The following RNGTT variants were observed in gnomAD, a reference collection of about 807,000 sequenced individuals.
RNGTT encodes the protein mRNA-capping enzyme.
RNGTT carries 33 observed loss-of-function variants against 79.3 expected under a neutral mutation model. The ratio of observed to expected loss-of-function variants is 0.42; its 90% CI spans 0.32 to 0.56. RNGTT has a LOEUF of 0.56. RNGTT is among the 20% of genes least tolerant of loss of function. The pLI is 0.17. For synonymous variants in RNGTT, 222 were observed against 235.9 expected, an observed-to-expected ratio of 0.94 and a Z score of 0.54; for missense variants, 497 against 739.1, an observed-to-expected ratio of 0.67 and a Z score of 3.80.
At chr6:88,648,707 T>C (rs1242967137) in intron 14 of RNGTT, among the ~76,000 whole-genome samples, 1 of 152,120 alleles carries the variant, frequency 6.6e-6, no homozygotes. Context: ...CCTACCATTC[T>C]CCTAATTGGT....
chr6:88,796,394 A>G (rs886756678), intron 12 of RNGTT, among the ~76,000 whole-genome samples: 1 of 152,332 alleles, frequency 6.6e-6, no homozygotes, highest in East Asian at 1.9e-4. Context: ...TAATACAGAT[A>G]CAAAGAGCAG....
At chr6:88,660,663 TACA>T (rs1046992020) in intron 14 of RNGTT, among the ~76,000 whole-genome samples, 50 of 152,034 alleles carry the variant, frequency 3.3e-4, no homozygotes, top group African/African-American at 1.1e-3. Flanking sequence ...CCCAAATTTA[TACA>T]ACAATTACTA....
At chr6:88,855,809 A>C (rs1159601210) in intron 8 of RNGTT, among the ~76,000 whole-genome samples, 2 of 152,220 alleles carry the variant, frequency 1.3e-5, no homozygotes, top group African/African-American at 4.8e-5. Context: ...ACCCTCTGGC[A>C]CATGCTTTTC....
intron 10 of RNGTT, among the ~76,000 whole-genome samples, chr6:88,846,663 G>C (rs1420265760): frequency 6.6e-6 from 1 of 152,014 alleles, no homozygotes; most frequent in Non-Finnish European, 1.5e-5. Flanking sequence ...GGAAGGCTGA[G>C]GCATGAGAAT....
intron 1 of RNGTT, among the ~76,000 whole-genome samples, chr6:88,957,435 G>A (rs199635783): frequency 3.3e-5 from 5 of 152,170 alleles, no homozygotes; most frequent in Non-Finnish European, 7.4e-5. Context: ...CACTGTCACT[G>A]TTCACTGATG....
intron 13 of RNGTT, among the ~76,000 whole-genome samples, chr6:88,751,672 T>C (rs950117413): frequency 5.3e-5 from 8 of 152,124 alleles, no homozygotes; most frequent in African/African-American, 1.9e-4. Flanking sequence ...TACATGGTAA[T>C]AATTTAATAT....
chr6:88,625,784 A>G (rs1243559577), intron 14 of RNGTT, among the ~76,000 whole-genome samples: 1 of 151,074 alleles, frequency 6.6e-6, no homozygotes, highest in Non-Finnish European at 1.5e-5. Context: ...CAGGTCAGTT[A>G]AAAAAAAAGT....
intron 12 of RNGTT, among the ~76,000 whole-genome samples, chr6:88,773,677 A>T (rs894080810): frequency 6.6e-6 from 1 of 152,102 alleles, no homozygotes; most frequent in Non-Finnish European, 1.5e-5. Flanking sequence ...TAGCAAATTG[A>T]TTTCTTTTCC....
chr6:88,804,255 A>C (rs1310842971), intron 11 of RNGTT, among the ~76,000 whole-genome samples: 4 of 152,246 alleles, frequency 2.6e-5, no homozygotes, highest in African/African-American at 9.6e-5. Flanking sequence ...AAAAATAAAG[A>C]GATAACTAAA....
chr6:88,662,823 G>C (rs1433716466), intron 14 of RNGTT, among the ~76,000 whole-genome samples: 3 of 152,220 alleles, frequency 2.0e-5, no homozygotes, highest in Non-Finnish European at 4.4e-5. Context: ...ACACCGGGAA[G>C]GAATCGGCGA....
At chr6:88,902,421 A>G (rs1375340475) in intron 6 of RNGTT, among the ~76,000 whole-genome samples, 1 of 152,028 alleles carries the variant, frequency 6.6e-6, no homozygotes, top group Non-Finnish European at 1.5e-5. Flanking sequence ...CCAAAATAGC[A>G]AGACATTGTC....
intron 11 of RNGTT, among the ~76,000 whole-genome samples, chr6:88,843,786 G>A (rs1376584467): frequency 6.6e-6 from 1 of 151,130 alleles, no homozygotes; most frequent in Non-Finnish European, 1.5e-5. Context: ...TTGAGTTCCT[G>A]ACCTTGTGAT....
intron 14 of RNGTT, among the ~76,000 whole-genome samples, chr6:88,644,165 G>A (rs1331493229): frequency 6.6e-6 from 1 of 151,870 alleles, no homozygotes; most frequent in Non-Finnish European, 1.5e-5. Context: ...AATGACAAAG[G>A]GGATATCACC....
intron 13 of RNGTT, among the ~76,000 whole-genome samples, chr6:88,747,973 A>C (rs567148359): frequency 2.6e-5 from 4 of 152,242 alleles, no homozygotes; most frequent in African/African-American, 9.6e-5. Flanking sequence ...ATTCTGGAAA[A>C]CGCAATTTTA....
intron 12 of RNGTT, among the ~76,000 whole-genome samples, chr6:88,785,490 G>GA (rs1562251749): frequency 6.9e-5 from 10 of 144,698 alleles, no homozygotes; most frequent in African/African-American, 2.9e-4. Flanking sequence ...AGATGAACAA[G>GA]GAAAAAAAAA....
At chr6:88,706,281 G>A (rs1177043883) in intron 13 of RNGTT, among the ~76,000 whole-genome samples, 1 of 151,920 alleles carries the variant, frequency 6.6e-6, no homozygotes, top group African/African-American at 2.4e-5. Context: ...GTAAAATGAG[G>A]TAAAGCAAGG....
intron 12 of RNGTT, among the ~76,000 whole-genome samples, chr6:88,780,332 C>G (rs1278790172): frequency 6.6e-6 from 1 of 151,924 alleles, no homozygotes; most frequent in African/African-American, 2.4e-5. Context: ...AAATCACTAC[C>G]AAATAATCCC....
intron 14 of RNGTT, among the ~76,000 whole-genome samples, chr6:88,649,651 C>T (rs1195846983): frequency 3.3e-5 from 5 of 151,704 alleles, no homozygotes; most frequent in African/African-American, 1.2e-4. Context: ...GAGCCGAGAT[C>T]GCGCCACTGC....
intron 6 of RNGTT, among the ~76,000 whole-genome samples, chr6:88,902,074 G>C (rs1239163672): frequency 6.6e-6 from 1 of 152,116 alleles, no homozygotes; most frequent in Non-Finnish European, 1.5e-5. Context: ...TGTAGTCACA[G>C]CTACTCAGGA....
Sources: gnomAD v4.1 joint callset for allele counts (sites outside exome capture counted in the v4.1 genomes callset) on GRCh38, gnomAD v4.1.1 for gene constraint, MANE v1.5 for transcripts, NCBI Gene and HGNC (gene_info 2026-07-23, HGNC 2026-07-21) for gene names.